Variants in PRDM16 observed in about 807,000 individuals in gnomAD.
PRDM16 encodes PR/SET domain 16.
In PRDM16, 23 loss-of-function variants were observed where a neutral mutation model predicts 110.6. That is an observed-to-expected ratio of 0.21 (90% CI 0.15 to 0.29). The LOEUF is 0.29. Among genes scored for constraint, PRDM16 ranks in the 10% least tolerant of loss-of-function variants. The pLI is 1.00. For missense variants in PRDM16, 1,615 were observed against 1,794.3 expected (o/e 0.90, Z 1.81); for synonymous variants, 799 against 781.8 (o/e 1.02, Z -0.37).
intron 1 of PRDM16, chr1:3,132,782 C>T (rs529727925): frequency 1.4e-4 from 21 of 152,278 alleles, no homozygotes; most frequent in African/African-American, 5.1e-4. Flanking sequence ...TTGAACACAT[C>T]TGATTAGGAA....
chr1:3,352,947 A>G (rs1395265906), intron 3 of PRDM16, among the ~76,000 whole-genome samples: 1 of 152,176 alleles, frequency 6.6e-6, no homozygotes, highest in East Asian at 1.9e-4. Context: ...CAGGGCCCTG[A>G]GTGCCCACCC....
At position 3,359,035 on chromosome 1, in the gene PRDM16, T is replaced by C. The variant is rs1642665376; in HGVS notation, c.439-26117T>C. ...GAGTCCTCACTGGCCAACTAGAGTC[T>C]TCAAATCAACCAATGTCCATTATTT... On this transcript the variant is annotated intron_variant, in intron 3 of 16. Transcript: ENST00000270722. This position sits in a 1 kb window ranked among gnomAD's most constrained non-coding sequence, Gnocchi z 4.3. 6.6e-6 allele frequency among the ~76,000 whole-genome samples: 1 copy of C among 152,142 alleles called. No individual in the cohort carries two copies. Among genetic ancestry groups the C allele is most frequent in the African/African-American group, 2.4e-5 (1 of 41,438 alleles).
At chr1:3,120,468 C>G (rs959903553) in intron 1 of PRDM16, among the ~76,000 whole-genome samples, 2 of 152,078 alleles carry the variant, frequency 1.3e-5, no homozygotes, top group African/African-American at 4.8e-5. Flanking sequence ...TCGTCACACA[C>G]AAAAAGACCA....
At chr1:3,343,458 G>C (rs1444940415) in intron 3 of PRDM16, among the ~76,000 whole-genome samples, 2 of 150,566 alleles carry the variant, frequency 1.3e-5, no homozygotes, top group Non-Finnish European at 1.5e-5. Context: ...CTTTTGATTG[G>C]TGAATGCTTT....
intron 3 of PRDM16, among the ~76,000 whole-genome samples, chr1:3,363,470 G>A (rs751682302): frequency 4.5e-4 from 69 of 152,194 alleles, no homozygotes; most frequent in Non-Finnish European, 8.5e-4. Flanking sequence ...GCACGGGGGA[G>A]CTGGGACTTG....
chr1:3,220,148 G>A (rs1260928644), intron 2 of PRDM16, among the ~76,000 whole-genome samples: 1 of 152,168 alleles, frequency 6.6e-6, no homozygotes, highest in Non-Finnish European at 1.5e-5. Context: ...ACACGCGCCG[G>A]GAGGAATGCA....
chr1:3,163,535 G>A lies in PRDM16; in HGVS notation c.38-22590G>A, dbSNP rs527469183. On this transcript the variant is annotated intron_variant, in intron 1 of 16. Transcript: ENST00000270722. The stretch of plus-strand genomic sequence containing the variant: ...AACCCACGCGGCGTTAGCTTCCTGG[G>A]GAGGTCCTAACCGGGTACCCCAGCC... Among the ~76,000 whole-genome samples, 27 of 152,312 alleles carry A rather than the reference G, an allele frequency of 1.8e-4. 1 individual carries two copies. The South Asian group carries it at 5.6e-3, about 32-fold the overall frequency.
intron 1 of PRDM16, among the ~76,000 whole-genome samples, chr1:3,128,224 G>A (rs1408981773): frequency 6.6e-6 from 1 of 152,150 alleles, no homozygotes; most frequent in East Asian, 1.9e-4. Flanking sequence ...CTTCTGAGAG[G>A]GAAACAAAGA....
chr1:3,294,804 G>A (rs1159701090), intron 3 of PRDM16, among the ~76,000 whole-genome samples: 12 of 152,222 alleles, frequency 7.9e-5, no homozygotes, highest in Admixed American at 7.8e-4. Flanking sequence ...CCCAGGTCCT[G>A]ATCACGGGCA....
chr1:3,216,147 C>T (rs1639027445), intron 2 of PRDM16, among the ~76,000 whole-genome samples: 1 of 152,080 alleles, frequency 6.6e-6, no homozygotes, highest in East Asian at 1.9e-4. Flanking sequence ...TGGCCGTGGC[C>T]CCCTGACAAA....
At chr1:3,294,429 T>G (rs1423863931) in intron 3 of PRDM16, among the ~76,000 whole-genome samples, 1 of 152,040 alleles carries the variant, frequency 6.6e-6, no homozygotes, top group African/African-American at 2.4e-5. Context: ...CCAAAGGGGC[T>G]ACAGGATTGA....
rs746868217 is a variant in PRDM16 at position 3,405,502 on chromosome 1, C to T, written c.1040C>T (p.Thr347Met). Residue 347 changes from threonine (T) to methionine (M), a missense_variant, in exon 8 of 17, where the codon ACG becomes ATG. Around this residue, in one of 5 missense-constraint regions of PRDM16, gnomAD observed 82 missense variants for 144.4 expected, o/e 0.57. Transcript: ENST00000270722. ...CGGCATCCGTCTCCCCAGGTGTTCA[C>T]GGACCCCAGCAACCTTCAGCGGCAC... The part of the protein sequence containing the change: ...FECENCVKVF[T>M]DPSNLQRHIR... The T allele has an allele frequency of 8.8e-6, 14 of 1,583,308 alleles. No individual in the cohort carries two copies. The highest frequency in any genetic ancestry group is 1.1e-5 in the Non-Finnish European group (13 of 1,162,830).
At chr1:3,218,589 C>T (rs1639084127) in intron 2 of PRDM16, among the ~76,000 whole-genome samples, 1 of 152,250 alleles carries the variant, frequency 6.6e-6, no homozygotes, top group Non-Finnish European at 1.5e-5. Context: ...TCTCAAGGCC[C>T]TTCCTTAGAA....
chr1:3,182,627 G>A (rs777627129), intron 1 of PRDM16, among the ~76,000 whole-genome samples: 1 of 152,156 alleles, frequency 6.6e-6, no homozygotes, highest in Non-Finnish European at 1.5e-5. Context: ...GAGCCCAGGG[G>A]CAATGCGAGG....
At chr1:3,113,808 A>G (rs909669784) in intron 1 of PRDM16, among the ~76,000 whole-genome samples, 1 of 151,818 alleles carries the variant, frequency 6.6e-6, no homozygotes, top group African/African-American at 2.4e-5. Context: ...GGAGGCCCAG[A>G]CTCCCTCGAA....
intron 8 of PRDM16, among the ~76,000 whole-genome samples, chr1:3,409,639 C>T (rs1048916096): frequency 2.0e-5 from 3 of 151,614 alleles, no homozygotes; most frequent in Non-Finnish European, 4.4e-5. Context: ...GAGAGACACT[C>T]GCCGGGATGT....
At chr1:3,401,210 G>T (rs1197893214) in intron 5 of PRDM16, among the ~76,000 whole-genome samples, 2 of 152,176 alleles carry the variant, frequency 1.3e-5, no homozygotes, top group Non-Finnish European at 2.9e-5. Flanking sequence ...CTGCAAAGCA[G>T]CCCACACTTT....
At chr1:3,214,987 A>G (rs1197779388) in intron 2 of PRDM16, among the ~76,000 whole-genome samples, 1 of 152,176 alleles carries the variant, frequency 6.6e-6, no homozygotes, top group Admixed American at 6.5e-5. Flanking sequence ...TCAATGCCGC[A>G]GACCTGACAG....
At chr1:3,238,783 C>T (rs371510617) in intron 2 of PRDM16, among the ~76,000 whole-genome samples, 2 of 152,212 alleles carry the variant, frequency 1.3e-5, no homozygotes, top group African/African-American at 4.8e-5. Flanking sequence ...TTCTTCCTGC[C>T]GAGGCATCCA....
Sources: allele counts gnomAD v4.1 joint callset (sites outside exome capture counted in the v4.1 genomes callset), GRCh38; gene constraint gnomAD v4.1.1; regional missense constraint gnomAD v4.1.1; non-coding constraint Gnocchi (gnomAD v3.1); transcripts MANE v1.5; gene names NCBI Gene and HGNC (gene_info 2026-07-23, HGNC 2026-07-21).